Variants in KANSL1 observed in about 807,000 individuals in gnomAD.
KANSL1 encodes MLL1/MLL complex subunit KANSL1.
A neutral mutation model predicts 103.6 loss-of-function variants in KANSL1; 22 were observed. That is an observed-to-expected ratio of 0.21 (90% CI 0.15 to 0.30). The LOEUF is 0.30. KANSL1 is among the 10% of genes least tolerant of loss of function. The pLI, the probability that KANSL1 is intolerant of heterozygous loss-of-function variation, is 1.00. For missense variants in KANSL1, 1,337 were observed against 1,399.8 expected, an observed-to-expected ratio of 0.96 and a Z score of 0.72; for synonymous variants, 600 against 527.6, an observed-to-expected ratio of 1.14 and a Z score of -1.88.
chr17:46,156,110 G>A (rs1232319921), intron 2 of KANSL1, among the ~76,000 whole-genome samples: 1 of 152,188 alleles, frequency 6.6e-6, no homozygotes, highest in Admixed American at 6.5e-5. Flanking sequence ...ACTTTTGGGA[G>A]GCCAAGGTGG....
chr17:46,202,028 G>A (rs2047822095), intron 1 of KANSL1, among the ~76,000 whole-genome samples: 1 of 152,012 alleles, frequency 6.6e-6, no homozygotes, highest in South Asian at 2.1e-4. Flanking sequence ...AAAATTAGCT[G>A]GGCTTGGCAC....
chr17:46,068,970 A>T (rs62060802), intron 4 of KANSL1, among the ~76,000 whole-genome samples: 3 of 152,012 alleles, frequency 2.0e-5, no homozygotes, highest in Non-Finnish European at 2.9e-5. Context: ...ATCCCGCCCA[A>T]GCTGGAGTGC....
intron 4 of KANSL1, among the ~76,000 whole-genome samples, chr17:46,080,320 A>AG: frequency 6.7e-6 from 1 of 149,686 alleles, no homozygotes; most frequent in African/African-American, 2.4e-5. Context: ...CTTAAAAAAA[A>AG]AAAAAAAAAA....
intron 2 of KANSL1, among the ~76,000 whole-genome samples, chr17:46,101,933 T>C (rs185444027): frequency 6.6e-6 from 1 of 151,708 alleles, no homozygotes; most frequent in Admixed American, 6.6e-5. Context: ...ATTCTGAGAG[T>C]TTCTTGAGCT....
chr17:46,104,205 C>G (rs371481971), intron 2 of KANSL1, among the ~76,000 whole-genome samples: 2 of 152,120 alleles, frequency 1.3e-5, no homozygotes, highest in Non-Finnish European at 2.9e-5. Flanking sequence ...TTTCAATACC[C>G]GTCAGTCAGA....
At chr17:46,198,081 C>G (rs1425978459), upstream of KANSL1, among the ~76,000 whole-genome samples, 1 of 152,114 alleles carries the variant, frequency 6.6e-6, no homozygotes, top group Non-Finnish European at 1.5e-5. Flanking sequence ...AGGACCTAGC[C>G]CAGGGCCTGG....
chr17:46,062,214 C>A (rs1381073633), intron 6 of KANSL1, among the ~76,000 whole-genome samples: 1 of 149,930 alleles, frequency 6.7e-6, no homozygotes, highest in East Asian at 2.0e-4. Context: ...TAGACTGAAA[C>A]CCAAATCATC....
intron 2 of KANSL1, among the ~76,000 whole-genome samples, chr17:46,118,284 T>C (rs2043131209): frequency 2.0e-5 from 3 of 152,248 alleles, no homozygotes; most frequent in Admixed American, 2.0e-4. Flanking sequence ...TTAAAATCTA[T>C]TGCACACAAA....
intron 6 of KANSL1, among the ~76,000 whole-genome samples, chr17:46,052,710 G>A (rs1182897145): frequency 6.6e-6 from 1 of 150,672 alleles, no homozygotes; most frequent in Non-Finnish European, 1.5e-5. Context: ...TTTGAGGTGG[G>A]AGAGAGGATT....
intron 3 of KANSL1, among the ~76,000 whole-genome samples, chr17:46,092,300 GA>G (rs1902475988): frequency 1.3e-5 from 2 of 152,152 alleles, no homozygotes; most frequent in African/African-American, 4.8e-5. Context: ...TTGATATTTT[GA>G]AAGTTTCTGA....
chr17:46,050,596 G>C lies in KANSL1; in HGVS notation c.1957C>G (p.Pro653Ala). The stretch of plus-strand genomic sequence containing the variant: ...AACTGGGAAAGACGTTCCAACAGAG[G>C]GGCTTCATAGTGAATTTCGGGAGGC... ...TMPPEIHYEA[P>A]LLERLSQLDS... The change falls in exon 7 of 15, where the codon CCT becomes GCT. Residue 653 changes from proline to alanine, a missense_variant. Physicochemically the swap from Pro to Ala is conservative, Grantham distance 27. This residue lies in a region of KANSL1 where 780 missense variants were observed against 923.4 expected (regional missense o/e 0.84). Coordinates refer to ENST00000432791, the MANE Select transcript of KANSL1 (RefSeq NM_015443.4). The C allele has an allele frequency of 1.1e-5, 17 of 1,614,128 alleles. No homozygotes were observed. The highest frequency in any genetic ancestry group is 1.4e-5 in the Non-Finnish European group (17 of 1,180,036).
At chr17:46,148,589 C>A (rs2044867615) in intron 2 of KANSL1, among the ~76,000 whole-genome samples, 1 of 145,670 alleles carries the variant, frequency 6.9e-6, no homozygotes. Flanking sequence ...CCTTCACTTA[C>A]CTTTTTTTTT....
At position 46,171,111 on chromosome 17, in the gene KANSL1, T is replaced by G. The variant is rs753623440; in HGVS notation, c.1033A>C (p.Met345Leu). 1 of 1,614,218 alleles carries G rather than the reference T, an allele frequency of 6.2e-7. No homozygotes were observed. The highest frequency in any genetic ancestry group is 1.1e-5 in the South Asian group (1 of 91,088). The change falls in exon 2 of 15, where the codon ATG (methionine) becomes CTG (leucine). Residue 345 changes from methionine to leucine, a missense_variant. Physicochemically the swap from Met to Leu is conservative, Grantham distance 15. Coordinates refer to ENST00000432791, the MANE Select transcript of KANSL1 (RefSeq NM_015443.4). ...LESLRPRSQL[M>L]LTRKAEAALR... ...GCAGCTTCAGCCTTTCGAGTCAGCATCAACTGGCTCCGTGGTCTCAAGGAT... is the reference window on the plus strand; with the variant it reads ...GCAGCTTCAGCCTTTCGAGTCAGCAGCAACTGGCTCCGTGGTCTCAAGGAT...
rs1337258182 is a variant in KANSL1, at chr17:46,066,407, A to AT, written c.1848+129dup. The AT allele has an allele frequency of 1.2e-5, 8 of 683,558 alleles. No homozygotes were observed. In the Admixed American group the frequency reaches 2.3e-4, roughly 20 times the overall value. 42.3% of individuals were successfully genotyped at this position (683,558 alleles called of 1,614,324 possible). Reference sequence around the variant, plus strand: ...AGCAAACAGGGCCCAGGAACCTAGTATTTTATAAAGCTCCCCAGAAGACCT... The same window carrying AT: ...AGCAAACAGGGCCCAGGAACCTAGTATTTTTATAAAGCTCCCCAGAAGACCT... On this transcript the variant is annotated intron_variant, in intron 6 of 14. Coordinates refer to ENST00000432791, the MANE Select transcript of KANSL1 (RefSeq NM_015443.4).
chr17:46,148,924 C>T (rs1252824934), intron 2 of KANSL1, among the ~76,000 whole-genome samples: 4 of 151,524 alleles, frequency 2.6e-5, no homozygotes, highest in Non-Finnish European at 1.5e-5. Context: ...AAATTCCTCC[C>T]CTCTCCCTAG....
upstream of KANSL1, among the ~76,000 whole-genome samples, chr17:46,194,296 A>G (rs183626271): frequency 3.0e-4 from 46 of 152,400 alleles, no homozygotes; most frequent in African/African-American, 1.0e-3. Flanking sequence ...TGCCGCCACC[A>G]AAAGGAAGTT....
At chr17:46,169,419 C>T (rs1309229104) in intron 2 of KANSL1, 1 of 152,206 alleles carries the variant, frequency 6.6e-6, no homozygotes, top group Non-Finnish European at 1.5e-5. Context: ...AGTTTCATTT[C>T]AGATACAATA....
intron 2 of KANSL1, among the ~76,000 whole-genome samples, chr17:46,161,644 G>C (rs920121867): frequency 3.3e-5 from 5 of 152,134 alleles, no homozygotes; most frequent in Admixed American, 6.5e-5. Flanking sequence ...CATATACAAG[G>C]GTATTCAATT....
intron 1 of KANSL1, among the ~76,000 whole-genome samples, chr17:46,212,010 G>A (rs955454447): frequency 1.3e-5 from 2 of 152,318 alleles, no homozygotes; most frequent in Admixed American, 1.3e-4. Context: ...CAATTGGTTG[G>A]ACAGACCCCG....
Sources: allele counts gnomAD v4.1 joint callset (sites outside exome capture counted in the v4.1 genomes callset), GRCh38; gene constraint gnomAD v4.1.1; regional missense constraint gnomAD v4.1.1; transcripts MANE v1.5; gene names NCBI Gene and HGNC (gene_info 2026-07-23, HGNC 2026-07-21).